Variants in UGT2B7 observed in about 807,000 individuals in gnomAD.
UGT2B7 encodes UDP-glucuronosyltransferase 2B7.
A neutral mutation model predicts 51.9 loss-of-function variants in UGT2B7; 51 were observed. The observed-to-expected ratio is 0.98, with a 90% CI of 0.78 to 1.24. The LOEUF is 1.24. UGT2B7 is among the 50% of genes most tolerant of loss of function. The pLI is 0.00. For missense variants in UGT2B7, 727 were observed against 628.4 expected (o/e 1.16, Z -1.68); for synonymous variants, 225 against 211.6 (o/e 1.06, Z -0.55).
intron 1 of UGT2B7, 117 bp from the exon 2 acceptor site, chr4:69,098,423 T>C (rs1719310395): frequency 5.0e-6 from 6 of 1,199,528 alleles, no homozygotes; most frequent in Non-Finnish European, 6.9e-6. Flanking sequence ...GTGTATATAT[T>C]TTTCAAAGCA....
At chr4:69,059,741 C>A (rs771087492) in intron 1 of UGT2B7, among the ~76,000 whole-genome samples, 39 of 152,130 alleles carry the variant, frequency 2.6e-4, no homozygotes, top group Middle Eastern at 3.2e-3. Context: ...TAGTCAAATG[C>A]CAGTCACCAT....
chr4:69,106,530 G>A (rs571301224), intron 3 of UGT2B7, among the ~76,000 whole-genome samples: 5 of 152,072 alleles, frequency 3.3e-5, no homozygotes, highest in Non-Finnish European at 7.4e-5. Context: ...ATTCCATGTC[G>A]TTGCTATTGT....
upstream of UGT2B7, among the ~76,000 whole-genome samples, chr4:69,094,732 C>T (rs1719175369): frequency 1.3e-5 from 2 of 152,270 alleles, no homozygotes; most frequent in South Asian, 4.1e-4. Flanking sequence ...CATACATTAA[C>T]CCACCCTTTC....
Position 69,112,524 on chromosome 4 carries a change from G to A in UGT2B7, c.1378G>A (p.Ala460Thr). 7.4e-6 allele frequency: 12 copies of A among 1,613,960 alleles called. No individual in the cohort carries two copies. Among genetic ancestry groups the A allele is most frequent in the Non-Finnish European group, 1.0e-5 (12 of 1,179,866 alleles). ...HDQPVKPLDR[A>T]VFWIEFVMRH... Reference sequence around the variant, plus strand: ...TCAACCAGTGAAGCCCCTGGATCGAGCAGTCTTCTGGATTGAATTTGTCAT... The same window carrying A: ...TCAACCAGTGAAGCCCCTGGATCGAACAGTCTTCTGGATTGAATTTGTCAT... The change falls in exon 6 of 6, where the codon GCA (alanine) becomes ACA (threonine). Residue 460 changes from alanine to threonine, a missense_variant. By Grantham distance (58) the Ala-to-Thr change is moderately conservative. Coordinates refer to ENST00000305231, the MANE Select transcript of UGT2B7 (RefSeq NM_001074.4).
In UGT2B7 at chr4:69,107,269, C is replaced by A; in HGVS notation, c.1090+7C>A. 1 of 1,598,656 alleles carries A rather than the reference C, an allele frequency of 6.3e-7. No individual in the cohort carries two copies. Among genetic ancestry groups the A allele is most frequent in the South Asian group, 1.1e-5 (1 of 89,596 alleles). The stretch of plus-strand genomic sequence containing the variant: ...CCCCAGAATGACCTTCTAGGTAAGA[C>A]TCTGGTGAACAAATACTGAATATAT... On this transcript the variant is annotated splice_region_variant and intron_variant, in intron 4 of 5. Coordinates refer to ENST00000305231, the MANE Select transcript of UGT2B7 (RefSeq NM_001074.4).
chr4:69,092,338 C>T (rs1005843426), upstream of UGT2B7, among the ~76,000 whole-genome samples: 3 of 152,120 alleles, frequency 2.0e-5, no homozygotes, highest in Non-Finnish European at 4.4e-5. Context: ...TTTTAAACCA[C>T]TATGTGAGTG....
intron 2 of UGT2B7, among the ~76,000 whole-genome samples, chr4:69,091,391 A>C (rs1719081304): frequency 6.8e-6 from 1 of 147,012 alleles, no homozygotes; most frequent in African/African-American, 2.5e-5. Flanking sequence ...GAAACTTTAA[A>C]GATTTTGTTT....
At chr4:69,064,635 T>C (rs1489458865) in intron 1 of UGT2B7, among the ~76,000 whole-genome samples, 1 of 152,190 alleles carries the variant, frequency 6.6e-6, no homozygotes, top group Non-Finnish European at 1.5e-5. Flanking sequence ...TAAGCCTACA[T>C]CAAGTTAGCC....
At chr4:69,094,629 G>A (rs573163244), upstream of UGT2B7, among the ~76,000 whole-genome samples, 132 of 152,320 alleles carry the variant, frequency 8.7e-4, no homozygotes, top group Middle Eastern at 3.4e-3. Flanking sequence ...TCATATCAAT[G>A]TTGATGGTTG....
In UGT2B7 at chr4:69,112,885, T is replaced by TA. The variant is rs903698675; in HGVS notation, c.*154dup. 5.4e-6 allele frequency: 7 copies of TA among 1,288,594 alleles called. No homozygotes were observed. In the African/African-American group the frequency reaches 1.1e-4, roughly 20 times the overall value. 79.8% of individuals were successfully genotyped at this position (1,288,594 alleles called of 1,614,324 possible). The stretch of plus-strand genomic sequence containing the variant: ...TCTTTTCAAAATTTACTTTGTCAAA[T>TA]AAAAATTTGTTTTTCAGAGATTTAC... On this transcript the variant is annotated 3_prime_UTR_variant, in exon 6 of 6. Transcript: ENST00000305231.
chr4:69,102,223 A>G (rs1250340982), intron 2 of UGT2B7, among the ~76,000 whole-genome samples: 1 of 152,162 alleles, frequency 6.6e-6, no homozygotes, highest in African/African-American at 2.4e-5. Context: ...AAACTACCAG[A>G]AAACTCTGAC....
At chr4:69,077,533 T>C (rs1156366226) in intron 1 of UGT2B7, among the ~76,000 whole-genome samples, 2 of 152,070 alleles carry the variant, frequency 1.3e-5, no homozygotes, top group Non-Finnish European at 2.9e-5. Context: ...GGTATTTTAT[T>C]CTCTTTGTGT....
upstream of UGT2B7, among the ~76,000 whole-genome samples, chr4:69,092,469 G>A (rs1719105849): frequency 6.6e-6 from 1 of 152,010 alleles, no homozygotes; most frequent in Admixed American, 6.6e-5. Context: ...AGTCCCTTTT[G>A]TGCTCACACT....
chr4:69,071,019 A>G (rs1718589258), intron 1 of UGT2B7, among the ~76,000 whole-genome samples: 1 of 152,138 alleles, frequency 6.6e-6, no homozygotes. Context: ...TTTGGTTAGA[A>G]AGACTAAAGA....
chr4:69,108,046 A>G (rs892405684), intron 4 of UGT2B7, 57 bp from the exon 5 acceptor site: 4 of 1,576,872 alleles, frequency 2.5e-6, no homozygotes, highest in Non-Finnish European at 3.5e-6. Flanking sequence ...AGAGCCTTTC[A>G]TTGTGCATCT....
upstream of UGT2B7, among the ~76,000 whole-genome samples, chr4:69,092,049 C>T (rs1332022144): frequency 1.3e-5 from 2 of 152,134 alleles, no homozygotes; most frequent in African/African-American, 2.4e-5. Flanking sequence ...ATCCTCCCCA[C>T]CAAAGCCTCC....
intron 2 of UGT2B7, among the ~76,000 whole-genome samples, chr4:69,102,135 A>G (rs938665269): frequency 6.6e-6 from 1 of 152,204 alleles, no homozygotes; most frequent in African/African-American, 2.4e-5. Flanking sequence ...GAAATTCCAA[A>G]TTACATTACC....
chr4:69,086,480 C>T (rs1577916559), intron 1 of UGT2B7, among the ~76,000 whole-genome samples: 1 of 151,842 alleles, frequency 6.6e-6, no homozygotes, highest in East Asian at 1.9e-4. Flanking sequence ...TGTAAATGTC[C>T]GTGTTAGGTT....
chr4:69,107,054 T>G, intron 3 of UGT2B7, 121 bp from the exon 4 acceptor site: 5 of 1,099,844 alleles, frequency 4.5e-6, no homozygotes, highest in Non-Finnish European at 6.4e-6. Context: ...TTTACATTAG[T>G]CTTTGAGTAG....
Sources: gnomAD v4.1 joint callset for allele counts (sites outside exome capture counted in the v4.1 genomes callset) on GRCh38, gnomAD v4.1.1 for gene constraint, MANE v1.5 for transcripts, NCBI Gene and HGNC (gene_info 2026-07-23, HGNC 2026-07-21) for gene names.